Variants in PTGFRN observed in about 807,000 individuals in gnomAD.
PTGFRN encodes prostaglandin F2 receptor negative regulator.
PTGFRN carries 35 observed loss-of-function variants against 83.2 expected under a neutral mutation model. That is an observed-to-expected ratio of 0.42 (90% CI 0.32 to 0.56). PTGFRN has a LOEUF of 0.56. PTGFRN is among the 20% of genes least tolerant of loss of function. The pLI is 0.11. For synonymous variants in PTGFRN, 519 were observed against 498.6 expected, an observed-to-expected ratio of 1.04 and a Z score of -0.55; for missense variants, 1,051 against 1,179.5, an observed-to-expected ratio of 0.89 and a Z score of 1.60.
intron 1 of PTGFRN, among the ~76,000 whole-genome samples, chr1:116,939,363 A>C (rs939448832): frequency 6.6e-6 from 1 of 152,198 alleles, no homozygotes; most frequent in African/African-American, 2.4e-5. Context: ...CCCAAACCCT[A>C]ATTCTTGACT....
In PTGFRN at chr1:116,958,268, A is replaced by G. The variant is rs1650553252; in HGVS notation, c.1214-2975A>G. Among the ~76,000 whole-genome samples, 1 of 152,226 alleles carries G rather than the reference A, an allele frequency of 6.6e-6. No homozygotes were observed. The highest frequency in any genetic ancestry group is 2.4e-5 in the African/African-American group (1 of 41,456). On this transcript the variant is annotated intron_variant, in intron 4 of 8. Coordinates refer to ENST00000393203, the MANE Select transcript of PTGFRN (RefSeq NM_020440.4). This position sits in a 1 kb window ranked among gnomAD's most constrained non-coding sequence, Gnocchi z 4.9. ...CAGTCAGGCTGAGGCGAGGGCCTGCAGGGAGCTGTCTTCTGGGTCACATTC... is the reference window on the plus strand; with the variant it reads ...CAGTCAGGCTGAGGCGAGGGCCTGCGGGGAGCTGTCTTCTGGGTCACATTC...
In PTGFRN at chr1:116,944,970, C is replaced by G. The variant is rs754539403; in HGVS notation, c.710C>G (p.Ala237Gly). The G allele has an allele frequency of 6.2e-7, 1 of 1,613,794 alleles. No individual in the cohort carries two copies. The highest frequency in any genetic ancestry group is 8.5e-7 in the Non-Finnish European group (1 of 1,180,038). ...SDAYRLSVSR[A>G]LSADQGSYRC... ...GCCTACCGCCTCTCAGTGTCCCGGG[C>G]TCTGTCTGCCGACCAGGGCTCCTAC... The change falls in exon 3 of 9, where the codon GCT becomes GGT. Residue 237 changes from alanine (A) to glycine (G), a missense_variant. Coordinates refer to ENST00000393203, the MANE Select transcript of PTGFRN (RefSeq NM_020440.4).
rs991423164 is a variant in PTGFRN, at chr1:116,923,579, C to T, written c.49+13327C>T. ...CTTCCCTTTGCAGGATTGATACAACCGTTTCCACCCCAGAATGGCATAGGC... is the reference window on the plus strand; with the variant it reads ...CTTCCCTTTGCAGGATTGATACAACTGTTTCCACCCCAGAATGGCATAGGC... On this transcript the variant is annotated intron_variant, in intron 1 of 8. Transcript: ENST00000393203. The surrounding 1 kb of genome is among the most constrained non-coding windows in gnomAD (Gnocchi z 4.0). Among the ~76,000 whole-genome samples the T allele has an allele frequency of 1.1e-4, 17 of 152,280 alleles. No individual in the cohort carries two copies. Among genetic ancestry groups the T allele is most frequent in the South Asian group, 2.1e-4 (1 of 4,828 alleles).
intron 1 of PTGFRN, among the ~76,000 whole-genome samples, chr1:116,930,498 T>C (rs893148865): frequency 1.3e-5 from 2 of 152,194 alleles, no homozygotes; most frequent in African/African-American, 4.8e-5. Context: ...GGCTCAAATA[T>C]CTTCTAGGGG....
At chr1:116,977,243 A>G (rs553605549) in intron 7 of PTGFRN, among the ~76,000 whole-genome samples, 1 of 152,160 alleles carries the variant, frequency 6.6e-6, no homozygotes, top group East Asian at 1.9e-4. Flanking sequence ...GAGACCTACA[A>G]ACAGACTAAG....
chr1:116,961,423 C>T lies in PTGFRN; in HGVS notation c.1394C>T (p.Ala465Val). 6.2e-7 allele frequency: 1 copy of T among 1,614,126 alleles called. No individual in the cohort carries two copies. Among genetic ancestry groups the T allele is most frequent in the South Asian group, 1.1e-5 (1 of 91,066 alleles). Residue 465 changes from alanine to valine, a missense_variant, in exon 5 of 9, where the codon GCA becomes GTA. Physicochemically the swap from Ala to Val is moderately conservative, Grantham distance 64. Transcript: ENST00000393203. The surrounding 1 kb of genome is among the most constrained non-coding windows in gnomAD (Gnocchi z 5.4). ...SDNVVTSELL[A>V]VMDGDWTLKY... is the part of the protein sequence containing the mutation. ...AATGTGGTGACCAGCGAGCTGCTTG[C>T]AGTCATGGACGGGGACTGGACGCTA... is the stretch of plus-strand genomic sequence containing the variant.
intron 7 of PTGFRN, among the ~76,000 whole-genome samples, chr1:116,974,669 G>A (rs1651094776): frequency 6.6e-6 from 1 of 152,124 alleles, no homozygotes. Flanking sequence ...GATATTTATT[G>A]AGTTCCTTTG....
intron 7 of PTGFRN, among the ~76,000 whole-genome samples, chr1:116,983,566 G>A (rs1651380384): frequency 1.3e-5 from 2 of 150,444 alleles, no homozygotes; most frequent in South Asian, 2.1e-4. Context: ...AAAAAGAGAA[G>A]ATATTACATG....
chr1:116,972,655 C>T (rs1048393879), intron 6 of PTGFRN, among the ~76,000 whole-genome samples: 2 of 152,184 alleles, frequency 1.3e-5, no homozygotes, highest in Admixed American at 6.5e-5. Flanking sequence ...ACAGTCAGCA[C>T]CTAGGGCCTT....
chr1:116,951,170 G>A lies in PTGFRN; in HGVS notation c.1213+1598G>A, dbSNP rs146214431. Among the ~76,000 whole-genome samples the A allele has an allele frequency of 1.6e-3, 250 of 152,196 alleles. 1 individual carries two copies. Among genetic ancestry groups the A allele is most frequent in the African/African-American group, 5.7e-3 (238 of 41,510 alleles). ...CACTCCAATTTGAGGCTTCTTTGAA[G>A]TACGTGTGCATTGATCCCGGCATAC... On this transcript the variant is annotated intron_variant, in intron 4 of 8. Transcript: ENST00000393203.
In PTGFRN at chr1:116,989,755, A is replaced by G. The variant is rs150222246; in HGVS notation, c.*2788A>G. The G allele has an allele frequency of 5.9e-5, 9 of 152,616 alleles. No individual in the cohort carries two copies. Among genetic ancestry groups the G allele is most frequent in the Non-Finnish European group, 8.8e-5 (6 of 68,032 alleles). 9.5% of individuals were successfully genotyped at this position (152,616 alleles called of 1,614,324 possible). ...TTTTTAACAACTGTTGAGATGTTTC[A>G]TGGGACAGTAGAACTCTGACTCACC... On this transcript the variant is annotated 3_prime_UTR_variant, in exon 9 of 9. Transcript: ENST00000393203.
chr1:116,977,758 A>G (rs989890542), intron 7 of PTGFRN, among the ~76,000 whole-genome samples: 5 of 152,248 alleles, frequency 3.3e-5, no homozygotes, highest in Non-Finnish European at 7.3e-5. Context: ...AAATGCCCAC[A>G]AGAGAAAGCA....
Position 116,941,610 on chromosome 1 carries a change from C to T in PTGFRN, c.50-105C>T, listed in dbSNP as rs1414081696. Reference sequence around the variant, plus strand: ...ATTTTCCCTAGTAGTTTGGCTGTCACGTTTCTGCCATGCCTGTGAGCAGGA... The same window carrying T: ...ATTTTCCCTAGTAGTTTGGCTGTCATGTTTCTGCCATGCCTGTGAGCAGGA... On this transcript the variant is annotated intron_variant, in intron 1 of 8. Coordinates refer to ENST00000393203, the MANE Select transcript of PTGFRN (RefSeq NM_020440.4). The surrounding 1 kb of genome is among the most constrained non-coding windows in gnomAD (Gnocchi z 5.0). 2.9e-5 allele frequency: 42 copies of T among 1,439,664 alleles called. No homozygotes were observed. Among genetic ancestry groups the T allele is most frequent in the Middle Eastern group, 2.5e-4 (1 of 3,956 alleles). 89.2% of individuals were successfully genotyped at this position (1,439,664 alleles called of 1,614,324 possible).
rs1651686151 is a variant in PTGFRN at position 116,990,276 on chromosome 1, ATTGTT to A, written c.*3312_*3316del. 1 of 152,636 alleles carries A rather than the reference ATTGTT, an allele frequency of 6.6e-6. No homozygotes were observed. Among genetic ancestry groups the A allele is most frequent in the African/African-American group, 2.4e-5 (1 of 41,462 alleles). The allele number at this position is 152,636 out of a possible 1,614,324, so 9.5% of individuals were successfully genotyped here. A position where few individuals can be genotyped will look rare whatever the true frequency, so the allele number is the denominator to read the frequency against. On this transcript the variant is annotated 3_prime_UTR_variant, in exon 9 of 9. Coordinates refer to ENST00000393203, the MANE Select transcript of PTGFRN (RefSeq NM_020440.4). ...ATCCAATGTTATATGAACTAATTGTATTGTTTTATACTGTGACCACAAATATTATG... is the reference window on the plus strand; with the variant it reads ...ATCCAATGTTATATGAACTAATTGTATTATACTGTGACCACAAATATTATG...
intron 4 of PTGFRN, among the ~76,000 whole-genome samples, chr1:116,959,726 C>T (rs962493644): frequency 2.0e-5 from 3 of 152,212 alleles, no homozygotes; most frequent in African/African-American, 7.2e-5. Context: ...GTAATCCCAG[C>T]ACTTTGGGAG....
intron 3 of PTGFRN, among the ~76,000 whole-genome samples, chr1:116,946,396 T>C (rs1442188459): frequency 6.6e-6 from 1 of 152,180 alleles, no homozygotes; most frequent in Non-Finnish European, 1.5e-5. Flanking sequence ...GCTGCAGAAA[T>C]CGCTTTCCAG....
intron 1 of PTGFRN, among the ~76,000 whole-genome samples, chr1:116,934,027 T>G (rs1649861361): frequency 6.6e-6 from 1 of 152,256 alleles, no homozygotes; most frequent in Non-Finnish European, 1.5e-5. Flanking sequence ...ACACATATGT[T>G]TGGCCTTTTT....
chr1:116,922,920 T>C (rs964103095), intron 1 of PTGFRN, among the ~76,000 whole-genome samples: 2 of 152,224 alleles, frequency 1.3e-5, no homozygotes, highest in African/African-American at 2.4e-5. Context: ...TTTCCAGTTA[T>C]TTGATTCTTT....
At chr1:116,956,195 A>G (rs1385095123) in intron 4 of PTGFRN, among the ~76,000 whole-genome samples, 4 of 152,192 alleles carry the variant, frequency 2.6e-5, no homozygotes, top group Admixed American at 1.3e-4. Context: ...AGGCTGGTGG[A>G]TAGCTCAAAT....
Sources: allele counts gnomAD v4.1 joint callset (sites outside exome capture counted in the v4.1 genomes callset), GRCh38; gene constraint gnomAD v4.1.1; non-coding constraint Gnocchi (gnomAD v3.1); transcripts MANE v1.5; gene names NCBI Gene and HGNC (gene_info 2026-07-23, HGNC 2026-07-21).